The following NELL2 variants were observed in gnomAD, a reference collection of about 807,000 sequenced individuals.
The protein encoded by NELL2 is neural EGFL like 2.
In NELL2, 41 loss-of-function variants were observed where a neutral mutation model predicts 109.6. The observed-to-expected ratio is 0.37, with a 90% CI of 0.29 to 0.49. NELL2 has a LOEUF of 0.49. NELL2 is among the 20% of genes least tolerant of loss of function. The pLI, the probability that NELL2 is intolerant of heterozygous loss-of-function variation, is 0.98. For synonymous variants in NELL2, 355 were observed against 344.7 expected (o/e 1.03, Z -0.33); for missense variants, 900 against 1,008.3 (o/e 0.89, Z 1.45).
intron 12 of NELL2, among the ~76,000 whole-genome samples, chr12:44,685,301 T>G (rs1445753480): frequency 1.3e-5 from 2 of 152,010 alleles, no homozygotes; most frequent in Non-Finnish European, 2.9e-5. Flanking sequence ...TTTGAGCCTA[T>G]GTGTGTCTCT....
chr12:44,626,700 T>C lies in NELL2; in HGVS notation c.1445-15730A>G, dbSNP rs1946279080. 2.6e-5 allele frequency among the ~76,000 whole-genome samples: 4 copies of C among 152,156 alleles called. No homozygotes were observed. The South Asian group carries it at 6.2e-4, about 24-fold the overall frequency. On this transcript the variant is annotated intron_variant, in intron 13 of 19. Transcript: ENST00000429094. ...CTGTCGGCTGCATCTCTCACCAATT[T>C]TTTTTTATTGATGATATGAAGAAAT...
intron 9 of NELL2, among the ~76,000 whole-genome samples, chr12:44,740,995 T>C (rs1358518857): frequency 3.9e-5 from 6 of 152,180 alleles, no homozygotes; most frequent in African/African-American, 1.4e-4. Context: ...CCAGGCACTG[T>C]TTCAAAGTAC....
intron 15 of NELL2, among the ~76,000 whole-genome samples, chr12:44,586,909 G>A (rs185123977): frequency 1.4e-4 from 22 of 152,150 alleles, no homozygotes; most frequent in Non-Finnish European, 2.8e-4. Flanking sequence ...CAAACATAAC[G>A]ACCTCACATG....
chr12:44,800,616 C>G (rs919513699), intron 3 of NELL2, among the ~76,000 whole-genome samples: 2 of 152,070 alleles, frequency 1.3e-5, no homozygotes, highest in Non-Finnish European at 2.9e-5. Context: ...CTCTCAAAGC[C>G]CCTGAATGTC....
intron 15 of NELL2, among the ~76,000 whole-genome samples, chr12:44,593,876 C>A (rs949801365): frequency 2.6e-5 from 4 of 152,072 alleles, no homozygotes; most frequent in Non-Finnish European, 5.9e-5. Flanking sequence ...AGTCTTGGAA[C>A]CAACCCAAAT....
At chr12:44,802,986 C>A (rs1337373267) in intron 3 of NELL2, among the ~76,000 whole-genome samples, 2 of 151,968 alleles carry the variant, frequency 1.3e-5, no homozygotes, top group African/African-American at 4.8e-5. Context: ...TAATGAGGAA[C>A]TTTTCAGCTC....
At chr12:44,690,840 A>G (rs1291104656) in intron 12 of NELL2, among the ~76,000 whole-genome samples, 1 of 152,226 alleles carries the variant, frequency 6.6e-6, no homozygotes, top group African/African-American at 2.4e-5. Flanking sequence ...GATAGAAGCC[A>G]ATCAAAAATC....
chr12:44,827,633 T>C (rs890721878), intron 2 of NELL2, among the ~76,000 whole-genome samples: 6 of 152,158 alleles, frequency 3.9e-5, no homozygotes, highest in Admixed American at 6.5e-5. Context: ...GTTCCACCCA[T>C]GTTGCAAATA....
chr12:44,846,256 T>A (rs2136763911), intron 2 of NELL2, among the ~76,000 whole-genome samples: 1 of 152,108 alleles, frequency 6.6e-6, no homozygotes, highest in East Asian at 1.9e-4. Flanking sequence ...ACCACAAAAG[T>A]TTCTTTGGAG....
intron 9 of NELL2, among the ~76,000 whole-genome samples, chr12:44,730,601 C>T (rs1386825410): frequency 6.6e-6 from 1 of 151,880 alleles, no homozygotes; most frequent in South Asian, 2.1e-4. Context: ...ATAAAAACAT[C>T]ACATAATACA....
At chr12:44,758,015 G>A (rs1050369209) in intron 9 of NELL2, among the ~76,000 whole-genome samples, 1 of 151,416 alleles carries the variant, frequency 6.6e-6, no homozygotes, top group Non-Finnish European at 1.5e-5. Context: ...TGTTTCATCT[G>A]GTGAAAAATT....
chr12:44,645,303 T>A (rs2136307662), intron 13 of NELL2, among the ~76,000 whole-genome samples: 1 of 152,288 alleles, frequency 6.6e-6, no homozygotes, highest in Middle Eastern at 3.4e-3. Context: ...CTGTCTGCTG[T>A]GTGCAGAACA....
At chr12:44,651,447 A>C (rs1265361674) in intron 13 of NELL2, among the ~76,000 whole-genome samples, 1 of 152,208 alleles carries the variant, frequency 6.6e-6, no homozygotes, top group Non-Finnish European at 1.5e-5. Context: ...TTAAACTTCT[A>C]GATTTTAAAA....
intron 9 of NELL2, among the ~76,000 whole-genome samples, chr12:44,746,417 G>A (rs936496162): frequency 1.3e-5 from 2 of 152,112 alleles, no homozygotes; most frequent in South Asian, 4.1e-4. Flanking sequence ...AACACCAAAA[G>A]CAATGGCAAC....
chr12:44,709,859 C>A (rs1351028890), intron 11 of NELL2, among the ~76,000 whole-genome samples: 1 of 152,168 alleles, frequency 6.6e-6, no homozygotes, highest in African/African-American at 2.4e-5. Context: ...AGGACTGAAT[C>A]CAAAGAGCAT....
At chr12:44,644,611 TATATATATATATATACATAC>T (rs1226072023) in intron 13 of NELL2, among the ~76,000 whole-genome samples, 6 of 85,748 alleles carry the variant, frequency 7.0e-5, no homozygotes, top group African/African-American at 2.6e-4. Flanking sequence ...TATGTATGTA[TATATATATATATATACATAC>T]ATATATATAT....
intron 12 of NELL2, among the ~76,000 whole-genome samples, chr12:44,687,899 G>T (rs1455965329): frequency 6.6e-6 from 1 of 152,034 alleles, no homozygotes; most frequent in African/African-American, 2.4e-5. Flanking sequence ...TTAATAATTT[G>T]CATTTCTGTA....
intron 3 of NELL2, among the ~76,000 whole-genome samples, chr12:44,803,597 T>A (rs548429359): frequency 6.6e-6 from 1 of 152,026 alleles, no homozygotes; most frequent in Non-Finnish European, 1.5e-5. Context: ...GGTTTGCAGC[T>A]ATTTCAATTT....
upstream of NELL2, among the ~76,000 whole-genome samples, chr12:44,877,662 A>G (rs1945362692): frequency 6.6e-6 from 1 of 152,160 alleles, no homozygotes; most frequent in South Asian, 2.1e-4. Context: ...TACATATACT[A>G]TATTATACTA....
Sources: gnomAD v4.1 joint callset for allele counts (sites outside exome capture counted in the v4.1 genomes callset) on GRCh38, gnomAD v4.1.1 for gene constraint, MANE v1.5 for transcripts, NCBI Gene and HGNC (gene_info 2026-07-23, HGNC 2026-07-21) for gene names.